The following MTUS2 variants were observed in gnomAD, a reference collection of about 807,000 sequenced individuals.
The protein encoded by MTUS2 is microtubule associated scaffold protein 2.
MTUS2 carries 40 observed loss-of-function variants against 114.1 expected under a neutral mutation model. The observed-to-expected ratio is 0.35, with a 90% CI of 0.27 to 0.46. The LOEUF (loss-of-function observed/expected upper bound fraction) is 0.46. Among genes scored for constraint, MTUS2 ranks in the 20% least tolerant of loss-of-function variants. The pLI is 1.00. For missense variants in MTUS2, 1,679 were observed against 1,705.4 expected, an observed-to-expected ratio of 0.98 and a Z score of 0.27; for synonymous variants, 688 against 672.0, an observed-to-expected ratio of 1.02 and a Z score of -0.37.
At chr13:28,950,620 C>G (rs190250293) in intron 2 of MTUS2, among the ~76,000 whole-genome samples, 1 of 151,958 alleles carries the variant, frequency 6.6e-6, no homozygotes, top group African/African-American at 2.4e-5. Context: ...AAGCCCAAAG[C>G]GAGAGAGAAA....
At chr13:28,890,500 A>G (rs2137910240) in intron 2 of MTUS2, among the ~76,000 whole-genome samples, 1 of 152,280 alleles carries the variant, frequency 6.6e-6, no homozygotes, top group East Asian at 1.9e-4. Flanking sequence ...TGGAGACAAT[A>G]ATAATCTCTG....
At chr13:29,196,374 G>T (rs1385639410) in intron 5 of MTUS2, among the ~76,000 whole-genome samples, 3 of 151,988 alleles carry the variant, frequency 2.0e-5, no homozygotes, top group African/African-American at 7.3e-5. Flanking sequence ...AAAATGTGCA[G>T]ACCTACATTT....
chr13:29,306,399 A>C (rs775009502), intron 6 of MTUS2, among the ~76,000 whole-genome samples: 3 of 152,208 alleles, frequency 2.0e-5, no homozygotes, highest in Admixed American at 6.5e-5. Context: ...CCATCATCTC[A>C]GCCCAAAAGT....
intron 4 of MTUS2, among the ~76,000 whole-genome samples, chr13:29,066,045 T>C (rs911352937): frequency 1.3e-5 from 2 of 152,184 alleles, no homozygotes; most frequent in Non-Finnish European, 1.5e-5. Flanking sequence ...TCTTCAGGCA[T>C]GCCACCCTCT....
At chr13:28,887,876 C>T (rs1385988080) in intron 2 of MTUS2, among the ~76,000 whole-genome samples, 1 of 152,210 alleles carries the variant, frequency 6.6e-6, no homozygotes, top group East Asian at 1.9e-4. Context: ...CTCTCTGTTA[C>T]CTCTGCCTGG....
At position 29,026,751 on chromosome 13, in the gene MTUS2, G is replaced by T; in HGVS notation, c.2053G>T (p.Ala685Ser). The T allele has an allele frequency of 6.2e-7, 1 of 1,613,990 alleles. No individual in the cohort carries two copies. Among genetic ancestry groups the T allele is most frequent in the Non-Finnish European group, 8.5e-7 (1 of 1,179,896 alleles). ...TMPLPHEEKA[A>S]GGDLKPSANL... ...GCCTCTTCCCCACGAAGAGAAGGCA[G>T]CAGGTGGTGACCTGAAGCCATCTGC... The change falls in exon 3 of 16, where the codon GCA becomes TCA. Residue 685 changes from alanine to serine, a missense_variant. Ala to Ser is a moderately conservative substitution (Grantham distance 99). Transcript: ENST00000612955.
chr13:29,093,076 A>G (rs577490838), intron 4 of MTUS2, among the ~76,000 whole-genome samples: 115 of 152,286 alleles, frequency 7.6e-4, no homozygotes, highest in African/African-American at 2.7e-3. Context: ...TTTCCCCGAT[A>G]TGGGGCCAAA....
At chr13:28,922,759 C>T (rs1881114809) in intron 2 of MTUS2, among the ~76,000 whole-genome samples, 1 of 152,172 alleles carries the variant, frequency 6.6e-6, no homozygotes, top group African/African-American at 2.4e-5. Context: ...TTCAGTGCCT[C>T]TTTCAGTGAT....
At chr13:28,928,824 C>T (rs921502464) in intron 2 of MTUS2, among the ~76,000 whole-genome samples, 1 of 152,122 alleles carries the variant, frequency 6.6e-6, no homozygotes, top group African/African-American at 2.4e-5. Flanking sequence ...AGTATGGAAT[C>T]AACCTAAGTG....
intron 4 of MTUS2, among the ~76,000 whole-genome samples, chr13:29,039,235 C>T (rs1443006587): frequency 6.6e-6 from 1 of 152,202 alleles, no homozygotes; most frequent in East Asian, 1.9e-4. Context: ...AGCCCAGGAG[C>T]CAGCTCAGGT....
chr13:29,245,604 T>C (rs1163277807), intron 5 of MTUS2, among the ~76,000 whole-genome samples: 1 of 152,226 alleles, frequency 6.6e-6, no homozygotes, highest in Non-Finnish European at 1.5e-5. Flanking sequence ...CCTCTATCAC[T>C]TGCTAATCTT....
intron 8 of MTUS2, among the ~76,000 whole-genome samples, chr13:29,424,386 GA>G (rs1370715514): frequency 6.6e-6 from 1 of 152,022 alleles, no homozygotes; most frequent in Non-Finnish European, 1.5e-5. Flanking sequence ...CCCAGTTGAA[GA>G]AAAATTCTTT....
In MTUS2 at chr13:28,875,401, A is replaced by G. The variant is rs376327693; in HGVS notation, c.-243+35551A>G. ...AGATGCTATTGGTTCTTGATTAGAGAAGCTCCAAACTTAGATAAAGTGGAT... is the reference window on the plus strand; with the variant it reads ...AGATGCTATTGGTTCTTGATTAGAGGAGCTCCAAACTTAGATAAAGTGGAT... On this transcript the variant is annotated intron_variant, in intron 2 of 15. Coordinates refer to ENST00000612955, the MANE Select transcript of MTUS2 (RefSeq NM_001033602.4). 8.5e-5 allele frequency among the ~76,000 whole-genome samples: 13 copies of G among 152,374 alleles called. No homozygotes were observed. The East Asian group carries it at 2.3e-3, about 27-fold the overall frequency.
chr13:28,971,228 AAT>A (rs1219372645), intron 2 of MTUS2, among the ~76,000 whole-genome samples: 1 of 152,158 alleles, frequency 6.6e-6, no homozygotes, highest in Non-Finnish European at 1.5e-5. Context: ...AAATAATCAT[AAT>A]ATCCTGACTC....
chr13:29,117,513 C>T lies in MTUS2; in HGVS notation c.2644+16543C>T, dbSNP rs538413117. On this transcript the variant is annotated intron_variant, in intron 5 of 15. Transcript: ENST00000612955. ...CAGGGTTGAGTACTAAAAACACGAC[C>T]ACAGTAATGCAGGGCTCCTCCATCC... Among the ~76,000 whole-genome samples, 23 of 152,248 alleles carry T rather than the reference C, an allele frequency of 1.5e-4. No homozygotes were observed. In the South Asian group the frequency reaches 4.8e-3, roughly 32 times the overall value.
At chr13:29,264,520 C>T (rs548851364) in intron 5 of MTUS2, among the ~76,000 whole-genome samples, 18 of 152,372 alleles carry the variant, frequency 1.2e-4, no homozygotes, top group East Asian at 1.9e-4. Context: ...AGAGGTTCTT[C>T]GTGAGGGCTC....
intron 5 of MTUS2, among the ~76,000 whole-genome samples, chr13:29,218,314 A>T (rs1019237833): frequency 1.3e-5 from 2 of 152,106 alleles, no homozygotes; most frequent in Non-Finnish European, 2.9e-5. Flanking sequence ...CTCGCCTTCT[A>T]ATTCTCATTC....
intron 5 of MTUS2, among the ~76,000 whole-genome samples, chr13:29,201,984 G>C (rs1894978650): frequency 6.6e-6 from 1 of 152,064 alleles, no homozygotes; most frequent in Non-Finnish European, 1.5e-5. Flanking sequence ...TATGTGTCTT[G>C]GGGTTGCTCT....
intron 2 of MTUS2, among the ~76,000 whole-genome samples, chr13:28,939,231 A>G (rs529599293): frequency 1.2e-4 from 19 of 152,278 alleles, no homozygotes; most frequent in African/African-American, 4.6e-4. Flanking sequence ...TTGTATTGAA[A>G]CATTGTGTCT....
Sources: gnomAD v4.1 joint callset for allele counts (sites outside exome capture counted in the v4.1 genomes callset) on GRCh38, gnomAD v4.1.1 for gene constraint, MANE v1.5 for transcripts, NCBI Gene and HGNC (gene_info 2026-07-23, HGNC 2026-07-21) for gene names.